FSTL5: variants seen among roughly 807,000 people sequenced by gnomAD.
FSTL5 encodes follistatin like 5, also known as follistatin-related protein 5.
FSTL5 carries 62 observed loss-of-function variants against 89.1 expected under a neutral mutation model. That is an observed-to-expected ratio of 0.70 (90% CI 0.57 to 0.86). FSTL5 has a LOEUF of 0.86. Ranked by LOEUF, FSTL5 falls within the 40% of genes least tolerant of loss-of-function variation. The pLI is 0.00. For synonymous variants in FSTL5, 383 were observed against 346.2 expected (o/e 1.11, Z -1.18); for missense variants, 1,057 against 1,001.6 (o/e 1.06, Z -0.75).
rs759942596 is a variant in FSTL5 at position 161,656,504 on chromosome 4, T to C, written c.728-10A>G. 2.1e-5 allele frequency: 32 copies of C among 1,520,472 alleles called. No individual in the cohort carries two copies. In the South Asian group the frequency reaches 3.8e-4, roughly 18 times the overall value. The allele number at this position is 1,520,472 out of a possible 1,614,324, so 94.2% of individuals were successfully genotyped here. On this transcript the variant is annotated splice_polypyrimidine_tract_variant and intron_variant, in intron 6 of 15. Coordinates refer to ENST00000306100, the MANE Select transcript of FSTL5 (RefSeq NM_020116.5). The stretch of plus-strand genomic sequence containing the variant: ...CTCAACTGGATCACTTCTGTAAAGA[T>C]GAAGTGTCAGTAATGTTGATGAGCA...
intron 6 of FSTL5, among the ~76,000 whole-genome samples, chr4:161,736,496 C>T (rs1042878397): frequency 6.6e-6 from 1 of 152,014 alleles, no homozygotes; most frequent in South Asian, 2.1e-4. Flanking sequence ...TATTCTATTG[C>T]CTTTCTAAAC....
intron 15 of FSTL5, among the ~76,000 whole-genome samples, chr4:161,432,408 A>G (rs1304743514): frequency 1.3e-5 from 2 of 152,100 alleles, no homozygotes; most frequent in African/African-American, 2.4e-5. Flanking sequence ...TTTGGAACAA[A>G]TGATAATGAA....
intron 4 of FSTL5, among the ~76,000 whole-genome samples, chr4:161,821,413 A>T (rs1730490275): frequency 6.6e-6 from 1 of 152,196 alleles, no homozygotes; most frequent in Non-Finnish European, 1.5e-5. Context: ...TTGATTAAAA[A>T]AAAGTTCTTT....
intron 4 of FSTL5, among the ~76,000 whole-genome samples, chr4:161,838,919 T>C (rs1337530018): frequency 6.8e-6 from 1 of 146,824 alleles, no homozygotes; most frequent in Non-Finnish European, 1.5e-5. Flanking sequence ...ACATAAAATA[T>C]ATAGAAAGAC....
intron 8 of FSTL5, among the ~76,000 whole-genome samples, chr4:161,576,288 T>C (rs574699610): frequency 1.3e-5 from 2 of 152,266 alleles, no homozygotes; most frequent in South Asian, 2.1e-4. Flanking sequence ...CAAGTTACCA[T>C]TGACTTTCTT....
At chr4:161,877,138 C>A (rs140318816) in intron 4 of FSTL5, among the ~76,000 whole-genome samples, 1 of 148,850 alleles carries the variant, frequency 6.7e-6, no homozygotes, top group Non-Finnish European at 1.5e-5. Flanking sequence ...GAGCCGAGAT[C>A]GCGCCCTTGC....
At chr4:161,762,465 C>T (rs2126792078) in intron 5 of FSTL5, among the ~76,000 whole-genome samples, 1 of 152,254 alleles carries the variant, frequency 6.6e-6, no homozygotes, top group South Asian at 2.1e-4. Flanking sequence ...TCTCAAAAGG[C>T]ACATGTTAGT....
rs56229701 is a variant in FSTL5 at position 161,437,565 on chromosome 4, C to CAAA, written c.1841+17436_1841+17438dup. Among the ~76,000 whole-genome samples, 57 of 68,526 alleles carry CAAA rather than the reference C, an allele frequency of 8.3e-4. 9 individuals carry two copies. The highest frequency in any genetic ancestry group is 1.9e-3 in the South Asian group (3 of 1,614). 45.0% of individuals were successfully genotyped at this position (68,526 alleles called of 152,430 possible). A position where few individuals can be genotyped will look rare whatever the true frequency, so the allele number is the denominator to read the frequency against. Reference sequence around the variant, plus strand: ...CTGGTGACAGAGTGAGACTCCGTCTCAAAAAAAAAAAAAAAAACGAGGTCA... The same window carrying CAAA: ...CTGGTGACAGAGTGAGACTCCGTCTCAAAAAAAAAAAAAAAAAAAACGAGGTCA... On this transcript the variant is annotated intron_variant, in intron 15 of 15. Transcript: ENST00000306100.
At chr4:161,708,820 C>T (rs929139754) in intron 6 of FSTL5, among the ~76,000 whole-genome samples, 1 of 152,016 alleles carries the variant, frequency 6.6e-6, no homozygotes, top group East Asian at 1.9e-4. Context: ...AGTTCTAGAT[C>T]TATGAAAATA....
intron 6 of FSTL5, among the ~76,000 whole-genome samples, chr4:161,745,992 G>C (rs1740189635): frequency 6.6e-6 from 1 of 151,914 alleles, no homozygotes; most frequent in Admixed American, 6.6e-5. Flanking sequence ...TAAAACTTTA[G>C]ACAAGTTCAA....
At chr4:161,450,467 C>T (rs1294262640) in intron 15 of FSTL5, among the ~76,000 whole-genome samples, 3 of 152,100 alleles carry the variant, frequency 2.0e-5, no homozygotes, top group South Asian at 2.1e-4. Context: ...ACCAAATCTC[C>T]TATGCATTAG....
At chr4:161,546,373 T>C (rs1211116115) in intron 8 of FSTL5, among the ~76,000 whole-genome samples, 1 of 140,590 alleles carries the variant, frequency 7.1e-6, no homozygotes, top group African/African-American at 2.5e-5. Context: ...CTCAGTTCTG[T>C]GTAAGACATT....
intron 8 of FSTL5, among the ~76,000 whole-genome samples, chr4:161,559,169 T>C (rs1010724353): frequency 6.6e-6 from 1 of 151,972 alleles, no homozygotes; most frequent in African/African-American, 2.4e-5. Flanking sequence ...TATTAGCTTC[T>C]CAAGATTTAT....
At chr4:162,074,608 G>A (rs1729762961) in intron 2 of FSTL5, among the ~76,000 whole-genome samples, 1 of 151,624 alleles carries the variant, frequency 6.6e-6, no homozygotes. Context: ...CTTTGTGTAA[G>A]CAAGTCTCAG....
At chr4:161,640,241 T>C (rs1397689068) in intron 7 of FSTL5, among the ~76,000 whole-genome samples, 2 of 152,150 alleles carry the variant, frequency 1.3e-5, no homozygotes, top group South Asian at 2.1e-4. Flanking sequence ...GATTTAACTG[T>C]CTAGTTTTCT....
chr4:161,550,132 C>G (rs780608718), intron 8 of FSTL5, among the ~76,000 whole-genome samples: 2 of 151,908 alleles, frequency 1.3e-5, no homozygotes, highest in Non-Finnish European at 2.9e-5. Flanking sequence ...CCTAATAACC[C>G]TTAGTGTCCA....
chr4:162,127,003 T>A (rs976819595), intron 1 of FSTL5, among the ~76,000 whole-genome samples: 1 of 152,146 alleles, frequency 6.6e-6, no homozygotes, highest in African/African-American at 2.4e-5. Flanking sequence ...TCGTGGTTTT[T>A]TTAAGCATCC....
intron 6 of FSTL5, among the ~76,000 whole-genome samples, chr4:161,660,005 G>A (rs1736650840): frequency 2.0e-5 from 3 of 152,076 alleles, no homozygotes. Context: ...CTAGCAAAAG[G>A]TAAAAACATA....
rs374523740 is a variant in FSTL5, at chr4:161,589,403, G to A, written c.895-1828C>T. On this transcript the variant is annotated intron_variant, in intron 7 of 15. Transcript: ENST00000306100. ...TTACCATGTTCGCCAGGCTGGTCTC[G>A]AACTCCTGACCTCAGGTGATCCGGC... Among the ~76,000 whole-genome samples the A allele has an allele frequency of 6.6e-5, 10 of 151,880 alleles. No individual in the cohort carries two copies. The East Asian group carries it at 1.4e-3, about 21-fold the overall frequency.
Sources: allele counts gnomAD v4.1 joint callset (sites outside exome capture counted in the v4.1 genomes callset), GRCh38; gene constraint gnomAD v4.1.1; transcripts MANE v1.5; gene names NCBI Gene and HGNC (gene_info 2026-07-23, HGNC 2026-07-21).